XRCC3: variants seen among roughly 807,000 people sequenced by gnomAD.
XRCC3 encodes the protein X-ray repair cross complementing 3, also known as DNA repair protein XRCC3.
XRCC3 carries 34 observed loss-of-function variants against 29.2 expected under a neutral mutation model. The ratio of observed to expected loss-of-function variants is 1.16; its 90% CI spans 0.88 to 1.55. The LOEUF (loss-of-function observed/expected upper bound fraction) is 1.55. XRCC3 is among the 40% of genes most tolerant of loss of function. The probability of loss-of-function intolerance (pLI) is 0.00; values close to 1 mark genes in which losing one functional copy is unlikely to be tolerated. For missense variants in XRCC3, 463 were observed against 467.6 expected (o/e 0.99, Z 0.09); for synonymous variants, 223 against 211.3 (o/e 1.06, Z -0.48).
chr14:103,706,142 C>G (rs1369145951), intron 6 of XRCC3: 2 of 355,660 alleles, frequency 5.6e-6, no homozygotes, highest in African/African-American at 4.3e-5. Flanking sequence ...AGACCCCTCA[C>G]CCTCCACCCA....
Position 103,698,550 on chromosome 14 carries a change from G to C in XRCC3, c.*248C>G, listed in dbSNP as rs770390236. On this transcript the variant is annotated 3_prime_UTR_variant, in exon 10 of 10. Coordinates refer to ENST00000555055, the MANE Select transcript of XRCC3 (RefSeq NM_005432.4). ...CCTCTCCCCAAGGGCCAGCTCAGCA[G>C]TGGGGACCAGGTACCCAGCAAGCGG... 5.9e-5 allele frequency: 33 copies of C among 557,660 alleles called. No individual in the cohort carries two copies. Among genetic ancestry groups the C allele is most frequent in the Non-Finnish European group, 9.4e-5 (29 of 309,358 alleles). The allele number at this position is 557,660 out of a possible 1,614,324, so 34.5% of individuals were successfully genotyped here.
At chr14:103,710,986 C>T (rs2083607371) in intron 4 of XRCC3, 47 bp downstream of exon 4, 23 of 1,600,858 alleles carry the variant, frequency 1.4e-5, no homozygotes, top group Non-Finnish European at 1.8e-5. Flanking sequence ...CTTATATAAA[C>T]TGCACACACC....
At position 103,703,325 on chromosome 14, in the gene XRCC3, C is replaced by G. The variant is rs1595656245; in HGVS notation, c.409G>C (p.Ala137Pro). ...GCGTCTTCCGTGCAGATGTAGACGG[C>G]TCCTGGGAAGCAAGAGTGCCTGATG... ...PRQHGGLEAG[A>P]VYICTEDAFP... Residue 137 changes from alanine to proline, a missense_variant and splice_region_variant, in exon 7 of 10, where the codon GCC becomes CCC. Physicochemically the swap from Ala to Pro is conservative, Grantham distance 27. Transcript: ENST00000555055. 6.5e-7 allele frequency: 1 copy of G among 1,548,414 alleles called. No homozygotes were observed. Among genetic ancestry groups the G allele is most frequent in the African/African-American group, 1.4e-5 (1 of 73,462 alleles).
In XRCC3 at chr14:103,711,037, C is replaced by G. The variant is rs770709968; in HGVS notation, c.51G>C (p.Lys17Asn). ...DLNPRIIAAI[K>N]KAKLKSVKEV... is the part of the protein sequence containing the mutation. Reference sequence around the variant, plus strand: ...TGTAAATAGAAATAAATGTACCTTTCTTAATTGCAGCAATAATTCTGGGAT... The same window carrying G: ...TGTAAATAGAAATAAATGTACCTTTGTTAATTGCAGCAATAATTCTGGGAT... The change falls in exon 4 of 10, where the codon AAG (lysine) becomes AAC (asparagine). Residue 17 changes from lysine to asparagine, a missense_variant. By Grantham distance (94) the Lys-to-Asn change is moderately conservative. Coordinates refer to ENST00000555055, the MANE Select transcript of XRCC3 (RefSeq NM_005432.4). 23 of 1,614,034 alleles carry G rather than the reference C, an allele frequency of 1.4e-5. No individual in the cohort carries two copies. Among genetic ancestry groups the G allele is most frequent in the Non-Finnish European group, 1.9e-5 (23 of 1,180,004 alleles).
At position 103,707,287 on chromosome 14, in the gene XRCC3, T is replaced by C. The variant is rs3212056; in HGVS notation, c.194-72A>G. On this transcript the variant is annotated intron_variant, in intron 5 of 9. Transcript: ENST00000555055. The stretch of plus-strand genomic sequence containing the variant: ...GCAGGGCTGGGGACTGCGGGAGGCA[T>C]GGTCAGCCTGCCTGTGCCAGGTGCA... The C allele has an allele frequency of 4.3e-3, 6,511 of 1,517,598 alleles. 161 individuals are homozygous for C. The African/African-American group carries it at 0.062, about 14-fold the overall frequency. The allele number at this position is 1,517,598 out of a possible 1,614,324, so 94.0% of individuals were successfully genotyped here.
chr14:103,699,138 C>T lies in XRCC3; in HGVS notation c.816G>A (p.Pro272=), dbSNP rs761784037. The T allele has an allele frequency of 1.8e-5, 28 of 1,572,848 alleles. No individual in the cohort carries two copies. Among genetic ancestry groups the T allele is most frequent in the South Asian group, 9.2e-5 (8 of 86,870 alleles). The change falls in exon 9 of 10, where the codon CCG becomes CCA. Residue 272 remains proline, a synonymous_variant. Coordinates refer to ENST00000555055, the MANE Select transcript of XRCC3 (RefSeq NM_005432.4). ...CACCACATGGCTGCACTCACCCCAGCGGCCCGTGTGCTGCGCCCTGCTCCT... is the reference window on the plus strand; with the variant it reads ...CACCACATGGCTGCACTCACCCCAGTGGCCCGTGTGCTGCGCCCTGCTCCT... The part of the protein sequence containing the change: ...AMEEQGAAHG[P]LGFWDERVSP...
At position 103,703,285 on chromosome 14, in the gene XRCC3, C is replaced by T. The variant is rs930812099; in HGVS notation, c.449G>A (p.Arg150His). 7.1e-6 allele frequency: 11 copies of T among 1,557,314 alleles called. No individual in the cohort carries two copies. Among genetic ancestry groups the T allele is most frequent in the South Asian group, 5.9e-5 (5 of 85,128 alleles). ...CTGCTGGGCCATGAGCTGCTGCAGG[C>T]GCTTGTGCGGGAAGGCGTCTTCCGT... is the stretch of plus-strand genomic sequence containing the variant. ...ICTEDAFPHK[R>H]LQQLMAQQPR... The change falls in exon 7 of 10, where the codon CGC (arginine) becomes CAC (histidine). Residue 150 changes from arginine (R) to histidine (H), a missense_variant. Physicochemically the swap from Arg to His is conservative, Grantham distance 29 (BLOSUM62 0). Transcript: ENST00000555055.
At chr14:103,703,017 C>T (rs2083287614) in intron 7 of XRCC3, 156 bp downstream of exon 7, 10 of 1,187,358 alleles carry the variant, frequency 8.4e-6, no homozygotes, top group African/African-American at 3.0e-5. Flanking sequence ...CCACCTGCTC[C>T]TCGGGCGTAA....
In XRCC3 at chr14:103,711,031, A is replaced by G. The variant is rs760558474; in HGVS notation, c.55+2T>C. The G allele has an allele frequency of 5.6e-6, 9 of 1,613,958 alleles. No individual in the cohort carries two copies. Among genetic ancestry groups the G allele is most frequent in the African/African-American group, 1.3e-5 (1 of 74,916 alleles). On this transcript the variant is annotated splice_donor_variant, in intron 4 of 9. Transcript: ENST00000555055. LOFTEE classifies it high-confidence loss of function. ...CCTTTATGTAAATAGAAATAAATGT[A>G]CCTTTCTTAATTGCAGCAATAATTC... is the stretch of plus-strand genomic sequence containing the variant.
At chr14:103,714,912 C>T (rs1214916771) in intron 1 of XRCC3, among the ~76,000 whole-genome samples, 2 of 152,236 alleles carry the variant, frequency 1.3e-5, no homozygotes, top group African/African-American at 4.8e-5. Context: ...TCTTGAACTC[C>T]TGACCTCGTG....
rs996215859 is a variant in XRCC3, at chr14:103,699,152, C to T, written c.802G>A (p.Ala268Thr). Residue 268 changes from alanine (A) to threonine (T), a missense_variant, in exon 9 of 10, where the codon GCA becomes ACA. Coordinates refer to ENST00000555055, the MANE Select transcript of XRCC3 (RefSeq NM_005432.4). ...ACTCACCCCAGCGGCCCGTGTGCTGCGCCCTGCTCCTCCATGGCCTCTGTC... is the reference window on the plus strand; with the variant it reads ...ACTCACCCCAGCGGCCCGTGTGCTGTGCCCTGCTCCTCCATGGCCTCTGTC... ...QVTEAMEEQG[A>T]AHGPLGFWDE... 5.1e-6 allele frequency: 8 copies of T among 1,570,910 alleles called. No homozygotes were observed. In the Admixed American group the frequency reaches 5.4e-5, roughly 11 times the overall value.
At chr14:103,699,827 C>T (rs2082981498) in intron 7 of XRCC3, 2 of 554,406 alleles carry the variant, frequency 3.6e-6, no homozygotes, top group Non-Finnish European at 6.6e-6. Flanking sequence ...CCCCCCCAGG[C>T]AGTCACCCCT....
chr14:103,710,100 T>TGGGGAGCA (rs1263852826), intron 4 of XRCC3: 1 of 152,252 alleles, frequency 6.6e-6, no homozygotes, highest in Non-Finnish European at 1.5e-5. Flanking sequence ...GCGGCTGGCA[T>TGGGGAGCA]GGGGAGCAGG....
At chr14:103,714,813 G>C (rs2151947487) in intron 1 of XRCC3, among the ~76,000 whole-genome samples, 1 of 152,218 alleles carries the variant, frequency 6.6e-6, no homozygotes, top group East Asian at 1.9e-4. Flanking sequence ...AGCCTCCCAA[G>C]CAGCTGGGAT....
chr14:103,707,808 G>A, intron 5 of XRCC3: 1 of 190,266 alleles, frequency 5.3e-6, no homozygotes, highest in South Asian at 1.0e-4. Flanking sequence ...TGCGCTCTTG[G>A]CCTGGGGCCT....
At chr14:103,706,234 G>T in intron 6 of XRCC3, 1 of 442,772 alleles carries the variant, frequency 2.3e-6, no homozygotes, top group Non-Finnish European at 4.6e-6. Flanking sequence ...GAGGTTCCCA[G>T]CCACACCGCT....
rs2082764399 is a variant in XRCC3 at position 103,698,465 on chromosome 14, G to GAAGCAGGCGGC, written c.*322_*332dup. The GAAGCAGGCGGC allele has an allele frequency of 2.6e-6, 1 of 380,686 alleles. No individual in the cohort carries two copies. The highest frequency in any genetic ancestry group is 2.1e-5 in the African/African-American group (1 of 48,258). 23.6% of individuals were successfully genotyped at this position (380,686 alleles called of 1,614,324 possible). ...CAGTTGGGCTTCCATGTGGAGAGAA[G>GAAGCAGGCGGC]AAGCAGGCGGCTCCCAGGGAGTCAC... is the stretch of plus-strand genomic sequence containing the variant. On this transcript the variant is annotated 3_prime_UTR_variant, in exon 10 of 10. Transcript: ENST00000555055.
intron 6 of XRCC3, chr14:103,706,700 T>C: frequency 2.2e-6 from 1 of 457,566 alleles, no homozygotes; most frequent in South Asian, 2.0e-5. Context: ...TTGGCAGCTG[T>C]GCGGAACGTG....
chr14:103,703,141 T>C (rs1254702412), intron 7 of XRCC3, 32 bp downstream of exon 7: 5 of 1,555,760 alleles, frequency 3.2e-6, no homozygotes, highest in South Asian at 1.2e-5. Context: ...TAGCTTGCCT[T>C]GGGGGTGTCA....
Sources: gnomAD v4.1 joint callset for allele counts (sites outside exome capture counted in the v4.1 genomes callset) on GRCh38, gnomAD v4.1.1 for gene constraint, MANE v1.5 for transcripts, NCBI Gene and HGNC (gene_info 2026-07-23, HGNC 2026-07-21) for gene names.